OR9Q1: variants seen among roughly 807,000 people sequenced by gnomAD.
The protein encoded by OR9Q1 is olfactory receptor 9Q1.
For synonymous variants in OR9Q1, 153 were observed against 148.6 expected (o/e 1.03, Z -0.22); for missense variants, 374 against 378.8 (o/e 0.99, Z 0.11).
chr11:58,071,226 G>A (rs559739039), intron 2 of OR9Q1, among the ~76,000 whole-genome samples: 2 of 152,156 alleles, frequency 1.3e-5, no homozygotes, highest in Admixed American at 1.3e-4. Context: ...GTTGGCTCAC[G>A]CCTGTAATCC....
intron 2 of OR9Q1, among the ~76,000 whole-genome samples, chr11:58,164,962 A>C (rs10792140): frequency 0.15 from 23,500 of 152,038 alleles, 2,628 homozygotes; most frequent in East Asian, 0.55. Context: ...ATCTTTGCTC[A>C]CTTATTACCT....
At chr11:58,107,713 T>C (rs1302204359) in intron 2 of OR9Q1, among the ~76,000 whole-genome samples, 3 of 151,844 alleles carry the variant, frequency 2.0e-5, no homozygotes, top group South Asian at 4.2e-4. Flanking sequence ...GTTGAACTAG[T>C]TTACACTCGA....
intron 2 of OR9Q1, among the ~76,000 whole-genome samples, chr11:58,085,080 A>G (rs1283327198): frequency 6.6e-6 from 1 of 151,922 alleles, no homozygotes; most frequent in Non-Finnish European, 1.5e-5. Context: ...ATGTAAGTCC[A>G]TGTACGTTAA....
intron 2 of OR9Q1, among the ~76,000 whole-genome samples, chr11:58,059,138 C>T (rs1280342496): frequency 6.6e-6 from 1 of 152,116 alleles, no homozygotes; most frequent in Non-Finnish European, 1.5e-5. Flanking sequence ...TGGGCTCAGG[C>T]CTAAGAAACC....
At chr11:58,140,005 G>A (rs979245426) in intron 2 of OR9Q1, among the ~76,000 whole-genome samples, 2 of 152,092 alleles carry the variant, frequency 1.3e-5, no homozygotes, top group African/African-American at 4.8e-5. Flanking sequence ...ATCTCATTGT[G>A]GTTTTGATTT....
At chr11:58,155,379 C>T (rs1000939447) in intron 2 of OR9Q1, among the ~76,000 whole-genome samples, 5 of 151,866 alleles carry the variant, frequency 3.3e-5, no homozygotes, top group Non-Finnish European at 7.4e-5. Flanking sequence ...AACTGGGCAC[C>T]GTAGCGCAGC....
intron 1 of OR9Q1, chr11:58,045,163 A>T (rs1853203717): frequency 6.6e-6 from 1 of 152,212 alleles, no homozygotes; most frequent in African/African-American, 2.4e-5. Flanking sequence ...AAAATCTGAA[A>T]TCCAAAACAC....
intron 1 of OR9Q1, among the ~76,000 whole-genome samples, chr11:58,026,989 T>G (rs1443444467): frequency 6.6e-6 from 1 of 152,212 alleles, no homozygotes; most frequent in African/African-American, 2.4e-5. Context: ...TGCAATTTGG[T>G]GTCAGGCAGT....
chr11:58,041,682 T>C (rs1038242027), intron 1 of OR9Q1: 1 of 152,222 alleles, frequency 6.6e-6, no homozygotes, highest in Non-Finnish European at 1.5e-5. Context: ...CAACACTATC[T>C]GAAGGGAGAA....
At chr11:58,133,097 TC>T (rs966341666) in intron 2 of OR9Q1, among the ~76,000 whole-genome samples, 2 of 152,160 alleles carry the variant, frequency 1.3e-5, no homozygotes, top group African/African-American at 4.8e-5. Context: ...GACCTTTTGG[TC>T]CTGCTGAAGG....
intron 1 of OR9Q1, among the ~76,000 whole-genome samples, chr11:58,032,353 T>C (rs950568422): frequency 6.6e-6 from 1 of 152,130 alleles, no homozygotes; most frequent in Non-Finnish European, 1.5e-5. Flanking sequence ...CATTATATTA[T>C]CTGACTTAAA....
intron 2 of OR9Q1, among the ~76,000 whole-genome samples, chr11:58,162,879 A>G (rs1854468873): frequency 6.6e-6 from 1 of 152,160 alleles, no homozygotes; most frequent in South Asian, 2.1e-4. Flanking sequence ...ACAAAATGGA[A>G]GGGACATTGT....
At chr11:58,135,459 A>T (rs1480137467) in intron 2 of OR9Q1, among the ~76,000 whole-genome samples, 1 of 152,186 alleles carries the variant, frequency 6.6e-6, no homozygotes, top group African/African-American at 2.4e-5. Flanking sequence ...TGACACATTG[A>T]ATAGCAGCCA....
At chr11:58,145,595 T>C (rs1854292790) in intron 2 of OR9Q1, among the ~76,000 whole-genome samples, 1 of 152,220 alleles carries the variant, frequency 6.6e-6, no homozygotes, top group Admixed American at 6.5e-5. Context: ...GAGCCAGAAA[T>C]GATCCACTTT....
At chr11:58,155,881 G>C (rs1439084952) in intron 2 of OR9Q1, among the ~76,000 whole-genome samples, 1 of 151,064 alleles carries the variant, frequency 6.6e-6, no homozygotes, top group African/African-American at 2.4e-5. Context: ...TTTGGCATAT[G>C]AAATGGCCAA....
chr11:58,138,900 C>T (rs1854214779), intron 2 of OR9Q1, among the ~76,000 whole-genome samples: 1 of 152,090 alleles, frequency 6.6e-6, no homozygotes, highest in Admixed American at 6.6e-5. Context: ...ACCCTTTGAC[C>T]ATCATGTCCC....
At chr11:58,176,104 C>T (rs1854604271) in intron 2 of OR9Q1, among the ~76,000 whole-genome samples, 1 of 152,154 alleles carries the variant, frequency 6.6e-6, no homozygotes, top group African/African-American at 2.4e-5. Flanking sequence ...GTGTAGGGTA[C>T]CCAGTTGGCC....
At chr11:58,133,896 G>A (rs1038983561) in intron 2 of OR9Q1, among the ~76,000 whole-genome samples, 2 of 148,964 alleles carry the variant, frequency 1.3e-5, no homozygotes, top group Middle Eastern at 3.2e-3. Context: ...TCTCATAGGT[G>A]TAATTGGTCA....
intron 2 of OR9Q1, among the ~76,000 whole-genome samples, chr11:58,142,915 G>A (rs1243410360): frequency 6.6e-6 from 1 of 152,138 alleles, no homozygotes; most frequent in African/African-American, 2.4e-5. Context: ...GGAATAAGAG[G>A]AGAACTTGGA....
Sources: gnomAD v4.1 joint callset for allele counts (sites outside exome capture counted in the v4.1 genomes callset) on GRCh38, gnomAD v4.1.1 for gene constraint, MANE v1.5 for transcripts, NCBI Gene and HGNC (gene_info 2026-07-23, HGNC 2026-07-21) for gene names.